The following ARFGEF1 variants were observed in gnomAD, a reference collection of about 807,000 sequenced individuals.
ARFGEF1 encodes the protein ARF guanine nucleotide exchange factor 1, also known as brefeldin A-inhibited guanine nucleotide-exchange protein 1.
Under a neutral mutation model 231.0 loss-of-function variants are expected in ARFGEF1, and 42 were observed. That is an observed-to-expected ratio of 0.18 (90% confidence interval 0.14 to 0.24). The LOEUF (loss-of-function observed/expected upper bound fraction) is 0.24. Among genes scored for constraint, ARFGEF1 ranks in the 10% least tolerant of loss-of-function variants. The pLI is 1.00. For synonymous variants in ARFGEF1, 710 were observed against 732.3 expected, an observed-to-expected ratio of 0.97 and a Z score of 0.49; for missense variants, 1,345 against 2,192.0, an observed-to-expected ratio of 0.61 and a Z score of 7.72.
Position 67,292,105 on chromosome 8 carries a change from T to A in ARFGEF1, c.658A>T (p.Met220Leu). 6.8e-6 allele frequency: 11 copies of A among 1,611,730 alleles called. No individual in the cohort carries two copies. The highest frequency in any genetic ancestry group is 9.3e-6 in the Non-Finnish European group (11 of 1,179,144). ...TGCTGCCGATGCCTTTCTTTTTCCA[T>A]TTGTTTTGCTTCCTGTAACTGGAAA... ...ENQALQEAKQ[M>L]EKERHRQHHH... Residue 220 changes from methionine (M) to leucine (L), a missense_variant, in exon 6 of 39, where the codon ATG (methionine) becomes TTG (leucine). Met to Leu is a conservative substitution (Grantham distance 15). Coordinates refer to ENST00000262215, the MANE Select transcript of ARFGEF1 (RefSeq NM_006421.5).
intron 34 of ARFGEF1, among the ~76,000 whole-genome samples, chr8:67,208,455 C>A (rs1838598882): frequency 6.6e-6 from 1 of 151,906 alleles, no homozygotes; most frequent in Non-Finnish European, 1.5e-5. Flanking sequence ...CATGGCGAAA[C>A]CCCATCTCTA....
intron 1 of ARFGEF1, among the ~76,000 whole-genome samples, chr8:67,311,798 C>T (rs368852410): frequency 1.3e-5 from 2 of 152,028 alleles, no homozygotes; most frequent in African/African-American, 2.4e-5. Context: ...AATAGAAAGG[C>T]GGGAAAGGTG....
intron 34 of ARFGEF1, 93 bp downstream of exon 34, chr8:67,211,390 G>A: frequency 1.6e-6 from 1 of 613,840 alleles, no homozygotes; most frequent in South Asian, 3.2e-5. Flanking sequence ...ATCAATTATA[G>A]TATATGCTTG....
intron 5 of ARFGEF1, among the ~76,000 whole-genome samples, chr8:67,184,986 TC>T (rs1187691844): frequency 2.1e-5 from 3 of 140,648 alleles, no homozygotes; most frequent in African/African-American, 7.8e-5. Context: ...CACCTATAAG[TC>T]CCAGCTGCTC....
At chr8:67,186,746 G>A (rs1410302305) in intron 5 of ARFGEF1, among the ~76,000 whole-genome samples, 1 of 152,176 alleles carries the variant, frequency 6.6e-6, no homozygotes, top group Non-Finnish European at 1.5e-5. Flanking sequence ...TTTCTTCACA[G>A]ATGACATGAT....
chr8:67,313,993 C>G (rs2128923588), intron 1 of ARFGEF1, among the ~76,000 whole-genome samples: 1 of 152,098 alleles, frequency 6.6e-6, no homozygotes, highest in East Asian at 1.9e-4. Context: ...AGTTGTGTAT[C>G]TAGGAGGATT....
At chr8:67,236,364 AAATATATATATAT>A (rs1473610915) in intron 22 of ARFGEF1, among the ~76,000 whole-genome samples, 7 of 36,754 alleles carry the variant, frequency 1.9e-4, no homozygotes, top group East Asian at 1.0e-3. Flanking sequence ...AAAAAAAAAA[AAATATATATATAT>A]ATATATATAT....
At chr8:67,254,273 A>G (rs557121511) in intron 17 of ARFGEF1, among the ~76,000 whole-genome samples, 7 of 152,208 alleles carry the variant, frequency 4.6e-5, no homozygotes, top group Non-Finnish European at 1.0e-4. Context: ...CTTGGGAACT[A>G]GCATAGCCAA....
Position 67,216,592 on chromosome 8 carries a change from A to G in ARFGEF1, c.4684T>C (p.Leu1562=), listed in dbSNP as rs1838941614. Residue 1562 remains leucine (L), a splice_region_variant and synonymous_variant, in exon 33 of 39, where the codon TTG becomes CTG. Coordinates refer to ENST00000262215, the MANE Select transcript of ARFGEF1 (RefSeq NM_006421.5). ...PPPSPVSEKP[L]DTISQKSVDI... ...ATACTTTACTGATTAAAACTTACCAATGGCTTTTCACTTACAGGAGATGGA... is the reference window on the plus strand; with the variant it reads ...ATACTTTACTGATTAAAACTTACCAGTGGCTTTTCACTTACAGGAGATGGA... The G allele has an allele frequency of 1.9e-6, 3 of 1,598,366 alleles. No homozygotes were observed. Among genetic ancestry groups the G allele is most frequent in the African/African-American group, 2.7e-5 (2 of 73,572 alleles).
At chr8:67,319,816 A>G (rs753677141) in intron 1 of ARFGEF1, among the ~76,000 whole-genome samples, 3 of 152,228 alleles carry the variant, frequency 2.0e-5, no homozygotes, top group Non-Finnish European at 4.4e-5. Flanking sequence ...TCTAGAATAT[A>G]TACTTTAAAA....
At chr8:67,209,462 G>A (rs1273277279) in intron 34 of ARFGEF1, among the ~76,000 whole-genome samples, 3 of 152,334 alleles carry the variant, frequency 2.0e-5, no homozygotes, top group South Asian at 2.1e-4. Context: ...ATGGGGCTGG[G>A]GGGCTCCCTT....
chr8:67,211,432 C>A, intron 34 of ARFGEF1, 51 bp downstream of exon 34: 2 of 1,395,014 alleles, frequency 1.4e-6, no homozygotes, highest in Non-Finnish European at 1.9e-6. Context: ...AAAATGTTAA[C>A]CCTTTCCTAC....
intron 22 of ARFGEF1, among the ~76,000 whole-genome samples, chr8:67,234,122 A>C (rs1422642070): frequency 6.6e-6 from 1 of 152,122 alleles, no homozygotes; most frequent in African/African-American, 2.4e-5. Context: ...TGAGTGACCA[A>C]ACACTCAATA....
chr8:67,202,731 A>G (rs1838376107), intron 36 of ARFGEF1, among the ~76,000 whole-genome samples: 1 of 152,126 alleles, frequency 6.6e-6, no homozygotes, highest in South Asian at 2.1e-4. Context: ...TCAAATACAC[A>G]TGCCAGGTTT....
At chr8:67,277,738 C>T (rs1369866087) in intron 7 of ARFGEF1, among the ~76,000 whole-genome samples, 1 of 152,160 alleles carries the variant, frequency 6.6e-6, no homozygotes, top group Non-Finnish European at 1.5e-5. Flanking sequence ...TCTATATTAG[C>T]ATTTACTGAA....
chr8:67,300,775 C>T (rs1302777780), intron 3 of ARFGEF1, among the ~76,000 whole-genome samples: 1 of 150,390 alleles, frequency 6.6e-6, no homozygotes. Flanking sequence ...ACACAGGGGG[C>T]AGAGGTCACA....
chr8:67,295,415 T>A (rs1229393866), intron 5 of ARFGEF1, among the ~76,000 whole-genome samples: 1 of 152,142 alleles, frequency 6.6e-6, no homozygotes, highest in Non-Finnish European at 1.5e-5. Context: ...TTAAGGTATA[T>A]CAACATCATG....
chr8:67,236,702 G>C (rs1650733461), intron 22 of ARFGEF1, among the ~76,000 whole-genome samples: 1 of 152,090 alleles, frequency 6.6e-6, no homozygotes, highest in African/African-American at 2.4e-5. Flanking sequence ...AGACCAAAAA[G>C]AGAAGTACAT....
At position 67,233,754 on chromosome 8, in the gene ARFGEF1, A is replaced by C. The variant is rs554781813; in HGVS notation, c.3290-809T>G. 2.4e-4 allele frequency among the ~76,000 whole-genome samples: 36 copies of C among 152,126 alleles called. 1 individual carries two copies. The East Asian group carries it at 7.0e-3, about 29-fold the overall frequency. On this transcript the variant is annotated intron_variant, in intron 22 of 38. Coordinates refer to ENST00000262215, the MANE Select transcript of ARFGEF1 (RefSeq NM_006421.5). ...TTCATTCTGCTTACTGTTACTTACA[A>C]GATAAAATATAAACTCTTTACCCTA...
Sources: gnomAD v4.1 joint callset for allele counts (sites outside exome capture counted in the v4.1 genomes callset) on GRCh38, gnomAD v4.1.1 for gene constraint, MANE v1.5 for transcripts, NCBI Gene and HGNC (gene_info 2026-07-23, HGNC 2026-07-21) for gene names.